PLCE1: variants seen among roughly 807,000 people sequenced by gnomAD.
PLCE1 encodes the protein 1-phosphatidylinositol 4,5-bisphosphate phosphodiesterase epsilon-1.
Under a neutral mutation model 242.8 loss-of-function variants are expected in PLCE1, and 119 were observed. The observed-to-expected ratio is 0.49, with a 90% CI of 0.42 to 0.57. The LOEUF is 0.57. Among genes scored for constraint, PLCE1 ranks in the 20% least tolerant of loss-of-function variants. The pLI is 0.00. For missense variants in PLCE1, 2,441 were observed against 2,788.8 expected, an observed-to-expected ratio of 0.88 and a Z score of 2.81; for synonymous variants, 945 against 1,017.4, an observed-to-expected ratio of 0.93 and a Z score of 1.35.
At chr10:94,280,741 G>A (rs2052177666) in intron 20 of PLCE1, 1 of 152,164 alleles carries the variant, frequency 6.6e-6, no homozygotes, top group African/African-American at 2.4e-5. Flanking sequence ...TAAATATGCA[G>A]ATATGCCCAG....
chr10:94,226,805 T>C (rs560817601), intron 4 of PLCE1, among the ~76,000 whole-genome samples: 82 of 149,108 alleles, frequency 5.5e-4, no homozygotes, highest in African/African-American at 1.9e-3. Context: ...AAAGAGAGAG[T>C]TATAAGAGAT....
chr10:94,053,537 G>C (rs1359071321), intron 2 of PLCE1, among the ~76,000 whole-genome samples: 1 of 152,320 alleles, frequency 6.6e-6, no homozygotes, highest in Non-Finnish European at 1.5e-5. Context: ...TGGCCGGAGG[G>C]AGCAGCTCTT....
intron 2 of PLCE1, among the ~76,000 whole-genome samples, chr10:94,103,649 TA>T (rs1027840767): frequency 2.0e-5 from 3 of 151,658 alleles, no homozygotes; most frequent in African/African-American, 2.4e-5. Context: ...TAAAGTATAA[TA>T]AAAAAAAGGA....
At chr10:94,210,752 C>A (rs1354055337) in intron 4 of PLCE1, among the ~76,000 whole-genome samples, 2 of 152,186 alleles carry the variant, frequency 1.3e-5, no homozygotes, top group African/African-American at 4.8e-5. Context: ...AAGGGCTCTT[C>A]CTGCCAGCTT....
intron 11 of PLCE1, among the ~76,000 whole-genome samples, chr10:94,255,951 CTCTCT>C (rs2051073997): frequency 9.3e-4 from 129 of 138,662 alleles, no homozygotes; most frequent in Admixed American, 1.6e-3. Context: ...CTCTCTCTCT[CTCTCT>C]CCCCACCCCT....
chr10:94,297,087 C>T (rs1247363250), intron 23 of PLCE1, among the ~76,000 whole-genome samples: 2 of 152,092 alleles, frequency 1.3e-5, no homozygotes, highest in East Asian at 3.9e-4. Flanking sequence ...AGGCTGGTCT[C>T]GAACTCTTGA....
intron 2 of PLCE1, among the ~76,000 whole-genome samples, chr10:94,109,594 C>T (rs562880451): frequency 3.3e-5 from 5 of 151,908 alleles, no homozygotes; most frequent in East Asian, 3.9e-4. Flanking sequence ...GGTGACAGAG[C>T]GAGACTCTGT....
intron 4 of PLCE1, among the ~76,000 whole-genome samples, chr10:94,174,881 T>C (rs1289022380): frequency 6.6e-6 from 1 of 152,112 alleles, no homozygotes; most frequent in African/African-American, 2.4e-5. Flanking sequence ...CTGGAGAAAC[T>C]CTGAGGCTCA....
At chr10:94,236,847 T>A (rs2050340620) in intron 7 of PLCE1, among the ~76,000 whole-genome samples, 1 of 151,988 alleles carries the variant, frequency 6.6e-6, no homozygotes, top group Non-Finnish European at 1.5e-5. Context: ...ATTTAAGTTC[T>A]TAATCTCCCT....
At chr10:94,266,396 TG>T (rs2051517440) in intron 16 of PLCE1, among the ~76,000 whole-genome samples, 1 of 150,586 alleles carries the variant, frequency 6.6e-6, no homozygotes, top group Non-Finnish European at 1.5e-5. Context: ...CTTTTCAGTT[TG>T]TTAAATAATC....
In PLCE1 at chr10:94,254,981, C is replaced by G; in HGVS notation, c.3486C>G (p.Ala1162=). The change falls in exon 11 of 33, where the codon GCC becomes GCG. Residue 1162 remains alanine (A), a synonymous_variant. Transcript: ENST00000371380. ...LTTAGSPNLA[A]GTSSPIRPVS... Reference sequence around the variant, plus strand: ...CAGCTGGGTCCCCCAACTTGGCTGCCGGGACGTCATCTCCCATCAGGCCAG... The same window carrying G: ...CAGCTGGGTCCCCCAACTTGGCTGCGGGGACGTCATCTCCCATCAGGCCAG... 1 of 1,614,110 alleles carries G rather than the reference C, an allele frequency of 6.2e-7. No individual in the cohort carries two copies. Among genetic ancestry groups the G allele is most frequent in the Non-Finnish European group, 8.5e-7 (1 of 1,180,000 alleles).
intron 3 of PLCE1, among the ~76,000 whole-genome samples, chr10:94,167,426 C>G (rs190994131): frequency 1.3e-5 from 2 of 152,224 alleles, no homozygotes; most frequent in African/African-American, 4.8e-5. Context: ...CTAGGGTGTT[C>G]CATATGAACA....
intron 1 of PLCE1, among the ~76,000 whole-genome samples, chr10:94,007,209 G>A (rs1442041850): frequency 6.6e-6 from 1 of 151,996 alleles, no homozygotes; most frequent in African/African-American, 2.4e-5. Context: ...TACATCGTGT[G>A]TTGGCTCTAC....
intron 11 of PLCE1, among the ~76,000 whole-genome samples, chr10:94,257,618 G>T (rs534801117): frequency 6.6e-6 from 1 of 152,190 alleles, no homozygotes; most frequent in African/African-American, 2.4e-5. Flanking sequence ...CATGTCCTTT[G>T]TGGGGACATA....
intron 3 of PLCE1, among the ~76,000 whole-genome samples, chr10:94,165,574 C>T (rs920818947): frequency 3.3e-5 from 5 of 152,048 alleles, no homozygotes; most frequent in African/African-American, 1.2e-4. Context: ...CTAATTTTAG[C>T]TTTAAGTAAC....
intron 2 of PLCE1, among the ~76,000 whole-genome samples, chr10:94,125,380 T>C (rs1564711042): frequency 6.6e-6 from 1 of 152,108 alleles, no homozygotes; most frequent in Non-Finnish European, 1.5e-5. Flanking sequence ...GTCCTAGCTG[T>C]GTGCACATTA....
In PLCE1 at chr10:94,031,393, G is replaced by T; in HGVS notation, c.347G>T (p.Gly116Val). The change falls in exon 2 of 33, where the codon GGC becomes GTC. Residue 116 changes from glycine to valine, a missense_variant. By Grantham distance (109) the Gly-to-Val change is moderately radical. Around this residue, in one of 5 missense-constraint regions of PLCE1, gnomAD observed 393 missense variants for 378.5 expected, o/e 1.04. Coordinates refer to ENST00000371380, the MANE Select transcript of PLCE1 (RefSeq NM_016341.4). ...AACATATTGAGAAACCATCAGCATG[G>T]CCTTCCTCAGAGACAATTTTATGAA... The part of the protein sequence containing the change: ...CNNILRNHQH[G>V]LPQRQFYEMY... The T allele has an allele frequency of 6.2e-7, 1 of 1,613,830 alleles. No homozygotes were observed. Among genetic ancestry groups the T allele is most frequent in the African/African-American group, 1.3e-5 (1 of 75,020 alleles).
At chr10:94,131,303 T>C (rs2046591107) in intron 2 of PLCE1, among the ~76,000 whole-genome samples, 1 of 152,182 alleles carries the variant, frequency 6.6e-6, no homozygotes, top group Admixed American at 6.5e-5. Context: ...TCAAACCTTA[T>C]AATTTTCAGG....
intron 1 of PLCE1, among the ~76,000 whole-genome samples, chr10:94,012,941 T>C (rs957928280): frequency 5.3e-5 from 8 of 152,170 alleles, no homozygotes; most frequent in African/African-American, 1.9e-4. Context: ...AGATTTACCA[T>C]ACTGACTTTG....
Sources: allele counts gnomAD v4.1 joint callset (sites outside exome capture counted in the v4.1 genomes callset), GRCh38; gene constraint gnomAD v4.1.1; regional missense constraint gnomAD v4.1.1; transcripts MANE v1.5; gene names NCBI Gene and HGNC (gene_info 2026-07-23, HGNC 2026-07-21).